SCAPER: variants seen among roughly 807,000 people sequenced by gnomAD.
SCAPER encodes the protein S phase cyclin A-associated protein in the endoplasmic reticulum.
A neutral mutation model predicts 182.2 loss-of-function variants in SCAPER; 98 were observed. The observed-to-expected ratio is 0.54, with a 90% CI of 0.46 to 0.64. The LOEUF is 0.64. Ranked by LOEUF, SCAPER falls within the 30% of genes least tolerant of loss-of-function variation. The pLI, the probability that SCAPER is intolerant of heterozygous loss-of-function variation, is 0.00. For synonymous variants in SCAPER, 605 were observed against 564.6 expected (o/e 1.07, Z -1.01); for missense variants, 1,432 against 1,690.0 (o/e 0.85, Z 2.68).
chr15:76,443,854 A>AT (rs750225628), intron 25 of SCAPER, among the ~76,000 whole-genome samples: 11 of 152,352 alleles, frequency 7.2e-5, no homozygotes, highest in South Asian at 6.2e-4. Flanking sequence ...TACCAGTATG[A>AT]TTCTGAAGAC....
At chr15:76,825,265 T>A (rs1431622493) in intron 5 of SCAPER, among the ~76,000 whole-genome samples, 1 of 152,138 alleles carries the variant, frequency 6.6e-6, no homozygotes, top group African/African-American at 2.4e-5. Context: ...ATTTTTTTTT[T>A]AAATCACACA....
chr15:76,690,587 C>T (rs1458976893), intron 20 of SCAPER, among the ~76,000 whole-genome samples: 2 of 152,048 alleles, frequency 1.3e-5, no homozygotes, highest in African/African-American at 4.8e-5. Context: ...ATATAAATAA[C>T]AGGGGAAACT....
At chr15:76,686,562 C>A (rs1009768589) in intron 20 of SCAPER, among the ~76,000 whole-genome samples, 9 of 152,008 alleles carry the variant, frequency 5.9e-5, no homozygotes, top group Non-Finnish European at 1.2e-4. Flanking sequence ...TAGGTATATA[C>A]CCAAGGAAAA....
chr15:76,642,367 C>T (rs968801104), intron 21 of SCAPER, among the ~76,000 whole-genome samples: 3 of 152,138 alleles, frequency 2.0e-5, no homozygotes, highest in Admixed American at 6.5e-5. Context: ...TATTTAGCAA[C>T]TGGGAAGGAT....
At position 76,794,691 on chromosome 15, in the gene SCAPER, T is replaced by C. The variant is rs565119010; in HGVS notation, c.772+589A>G. On this transcript the variant is annotated intron_variant, in intron 8 of 31. Coordinates refer to ENST00000563290, the MANE Select transcript of SCAPER (RefSeq NM_020843.4). ...ATTATTACCTATTATCATTCTAAAA[T>C]CCCAGCCTCTGTGGATGTATAAAAA... is the stretch of plus-strand genomic sequence containing the variant. 1.4e-4 allele frequency among the ~76,000 whole-genome samples: 21 copies of C among 152,266 alleles called. 1 individual carries two copies. In the East Asian group the frequency reaches 3.9e-3, roughly 28 times the overall value.
At chr15:76,465,008 C>T (rs982249001) in intron 25 of SCAPER, among the ~76,000 whole-genome samples, 4 of 152,060 alleles carry the variant, frequency 2.6e-5, no homozygotes, top group Non-Finnish European at 4.4e-5. Context: ...TTTTCATATA[C>T]GTGTTGTTCA....
At chr15:76,458,341 TAGAG>T (rs745869190) in intron 25 of SCAPER, among the ~76,000 whole-genome samples, 15 of 152,000 alleles carry the variant, frequency 9.9e-5, no homozygotes, top group South Asian at 2.1e-4. Flanking sequence ...AAATCATATA[TAGAG>T]AGAGAATATT....
chr15:76,780,729 T>C (rs559266434), intron 8 of SCAPER, among the ~76,000 whole-genome samples: 2 of 152,296 alleles, frequency 1.3e-5, no homozygotes, highest in South Asian at 4.1e-4. Flanking sequence ...CCACTGGTGA[T>C]ACCCAGGCAA....
chr15:76,518,548 G>C (rs577083992), intron 23 of SCAPER, among the ~76,000 whole-genome samples: 5 of 152,092 alleles, frequency 3.3e-5, no homozygotes, highest in Non-Finnish European at 7.3e-5. Flanking sequence ...GGCAGGGGCA[G>C]GGTTTTCTCA....
rs1461505051 is a variant in SCAPER at position 76,691,427 on chromosome 15, CTCAA to C, written c.2508+10327_2508+10330del. ...ATTTAATCTACAATTTTAAAACAAT[CTCAA>C]TCAAAATTCAAACGGTTATTTTTGA... is the stretch of plus-strand genomic sequence containing the variant. On this transcript the variant is annotated intron_variant, in intron 20 of 31. Transcript: ENST00000563290. Among the ~76,000 whole-genome samples, 6 of 152,104 alleles carry C rather than the reference CTCAA, an allele frequency of 3.9e-5. No individual in the cohort carries two copies. The East Asian group carries it at 1.2e-3, about 29-fold the overall frequency.
intron 5 of SCAPER, among the ~76,000 whole-genome samples, chr15:76,816,882 G>A (rs1283016236): frequency 6.6e-6 from 1 of 152,084 alleles, no homozygotes; most frequent in Non-Finnish European, 1.5e-5. Context: ...TCGATCTCCT[G>A]ACCTTGTGAT....
chr15:76,806,391 T>C (rs773890392), intron 5 of SCAPER, among the ~76,000 whole-genome samples: 57 of 152,346 alleles, frequency 3.7e-4, no homozygotes, highest in Admixed American at 1.5e-3. Context: ...ATCTATTTCA[T>C]TGATCCATAT....
In SCAPER at chr15:76,479,355, G is replaced by GT. The variant is rs1230828250; in HGVS notation, c.2955-8021dup. 2.6e-5 allele frequency among the ~76,000 whole-genome samples: 4 copies of GT among 152,132 alleles called. No individual in the cohort carries two copies. In the East Asian group the frequency reaches 7.7e-4, roughly 29 times the overall value. On this transcript the variant is annotated intron_variant, in intron 24 of 31. Transcript: ENST00000563290. ...TTTAAACTCAAATGACTAGAAGCAC[G>GT]TTTTAACATCAAACAGAAAGCACCA...
intron 2 of SCAPER, among the ~76,000 whole-genome samples, chr15:76,883,528 T>C (rs1156459952): frequency 1.3e-5 from 2 of 152,186 alleles, no homozygotes; most frequent in East Asian, 3.9e-4. Flanking sequence ...TTAGCATCCA[T>C]TGATTTGTAA....
chr15:76,452,392 C>T (rs1356372954), intron 25 of SCAPER, among the ~76,000 whole-genome samples: 5 of 152,178 alleles, frequency 3.3e-5, no homozygotes, highest in Non-Finnish European at 7.3e-5. Context: ...TGCCCATTTT[C>T]CTAAATCTTC....
chr15:76,689,993 A>G (rs2058263944), intron 20 of SCAPER, among the ~76,000 whole-genome samples: 1 of 151,386 alleles, frequency 6.6e-6, no homozygotes, highest in Non-Finnish European at 1.5e-5. Context: ...TCCTTACCAG[A>G]AGAATTCCAA....
At chr15:76,432,468 C>T (rs754929759) in intron 26 of SCAPER, among the ~76,000 whole-genome samples, 12 of 152,170 alleles carry the variant, frequency 7.9e-5, no homozygotes, top group Non-Finnish European at 5.9e-5. Flanking sequence ...TTATGAACTG[C>T]GAAAGAAGCA....
intron 5 of SCAPER, among the ~76,000 whole-genome samples, chr15:76,826,021 C>T (rs1262373810): frequency 2.0e-5 from 3 of 152,226 alleles, no homozygotes; most frequent in African/African-American, 2.4e-5. Flanking sequence ...GCTGGGATTA[C>T]AGGCGTGAGC....
In SCAPER at chr15:76,381,431, G is replaced by C. The variant is rs2042935329; in HGVS notation, c.3652C>G (p.Gln1218Glu). ...YTQNTIQVAI[Q>E]SLRFFNSFAA... is the part of the protein sequence containing the mutation. ...AAGCTGTTGAAGAAACGTAAACTCT[G>C]AATGGCCACTTGGATGGTATTTTGA... Residue 1218 changes from glutamine to glutamate, a missense_variant, in exon 28 of 32, where the codon CAG (glutamine) becomes GAG (glutamate). This residue lies in a region of SCAPER where 718 missense variants were observed against 799.7 expected (regional missense o/e 0.90). Coordinates refer to ENST00000563290, the MANE Select transcript of SCAPER (RefSeq NM_020843.4). The C allele has an allele frequency of 6.2e-7, 1 of 1,613,736 alleles. No homozygotes were observed. Among genetic ancestry groups the C allele is most frequent in the Admixed American group, 1.7e-5 (1 of 59,954 alleles).
Sources: gnomAD v4.1 joint callset for allele counts (sites outside exome capture counted in the v4.1 genomes callset) on GRCh38, gnomAD v4.1.1 for gene constraint, gnomAD v4.1.1 regional missense constraint, MANE v1.5 for transcripts, NCBI Gene and HGNC (gene_info 2026-07-23, HGNC 2026-07-21) for gene names.